Variants in ISY1 observed in about 807,000 individuals in gnomAD.
The protein encoded by ISY1 is ISY1 spliceosome associated protein, also known as pre-mRNA-splicing factor ISY1 homolog.
ISY1 carries 12 observed loss-of-function variants against 54.4 expected under a neutral mutation model. That is an observed-to-expected ratio of 0.22 (90% CI 0.14 to 0.36). The LOEUF is 0.36. Ranked by LOEUF, ISY1 falls within the 10% of genes least tolerant of loss-of-function variation. The pLI is 1.00. For missense variants in ISY1, 282 were observed against 342.2 expected (o/e 0.82, Z 1.39); for synonymous variants, 96 against 117.9 (o/e 0.81, Z 1.20).
chr3:129,135,750 A>G (rs1936377103), intron 7 of ISY1, among the ~76,000 whole-genome samples: 2 of 151,228 alleles, frequency 1.3e-5, no homozygotes, highest in Admixed American at 1.3e-4. Flanking sequence ...TGGGCGACAG[A>G]GCGAGACTCC....
At chr3:129,151,210 T>C (rs1936959847) in intron 5 of ISY1, among the ~76,000 whole-genome samples, 1 of 147,830 alleles carries the variant, frequency 6.8e-6, no homozygotes, top group Admixed American at 6.8e-5. Flanking sequence ...TATGAATATA[T>C]ATGGGGTGTG....
In ISY1 at chr3:129,130,621, T is replaced by C; in HGVS notation, c.679A>G (p.Ser227Gly). ...VTEEESDEEG[S>G]QEKGGDDSQQ... ...CTGTCGTCCCCTCCTTTCTCCTGGC[T>C]GCCTTCCTCGTCCGACTACAAACAG... Residue 227 changes from serine to glycine, a missense_variant, in exon 10 of 11, where the codon AGC becomes GGC. Coordinates refer to ENST00000393295, the MANE Select transcript of ISY1 (RefSeq NM_020701.4). 1 of 1,614,174 alleles carries C rather than the reference T, an allele frequency of 6.2e-7. No individual in the cohort carries two copies.
chr3:129,147,154 C>T (rs1936790153), intron 5 of ISY1, among the ~76,000 whole-genome samples: 1 of 151,836 alleles, frequency 6.6e-6, no homozygotes, highest in Admixed American at 6.6e-5. Flanking sequence ...GAGGGCAGAT[C>T]ACTTGAGGTC....
intron 5 of ISY1, among the ~76,000 whole-genome samples, chr3:129,151,458 G>A (rs1378876135): frequency 1.3e-5 from 2 of 151,640 alleles, no homozygotes; most frequent in Admixed American, 6.6e-5. Context: ...GCGAAACTCT[G>A]TCTCTAGTAA....
intron 1 of ISY1, among the ~76,000 whole-genome samples, chr3:129,160,109 T>C (rs534741366): frequency 6.6e-6 from 1 of 151,794 alleles, no homozygotes; most frequent in Admixed American, 6.6e-5. Flanking sequence ...CACTGCAAAC[T>C]CCGCCTCCCG....
intron 10 of ISY1, among the ~76,000 whole-genome samples, 154 bp from the exon 11 acceptor site, chr3:129,130,342 G>C (rs541219129): frequency 1.3e-5 from 2 of 152,160 alleles, no homozygotes; most frequent in African/African-American, 2.4e-5. Flanking sequence ...CCCTCCCATT[G>C]GAAACATTTG....
At chr3:129,130,440 C>A in intron 10 of ISY1, 110 bp downstream of exon 10, 1 of 1,380,164 alleles carries the variant, frequency 7.2e-7, no homozygotes. Context: ...GGTCAGGACC[C>A]TGAGCTGCCC....
rs1189041091 is a variant in ISY1 at position 129,129,517 on chromosome 3, G to A, written c.*564C>T. The A allele has an allele frequency of 3.3e-5, 5 of 152,248 alleles. No individual in the cohort carries two copies. Among genetic ancestry groups the A allele is most frequent in the Non-Finnish European group, 5.9e-5 (4 of 68,166 alleles). 9.4% of individuals were successfully genotyped at this position (152,248 alleles called of 1,614,324 possible). On this transcript the variant is annotated 3_prime_UTR_variant, in exon 11 of 11. Coordinates refer to ENST00000393295, the MANE Select transcript of ISY1 (RefSeq NM_020701.4). ...GCCTCCCAAGCAGCTGGGACTACAG[G>A]TGCATGCCAGTACGCCCAGCTAATT...
At chr3:129,136,050 G>A (rs1460423295) in intron 7 of ISY1, among the ~76,000 whole-genome samples, 1 of 150,628 alleles carries the variant, frequency 6.6e-6, no homozygotes, top group African/African-American at 2.4e-5. Flanking sequence ...AGATACATGA[G>A]AAAGCCCTAA....
chr3:129,159,180 G>A lies in ISY1; in HGVS notation c.4-4C>T. The A allele has an allele frequency of 6.3e-7, 1 of 1,598,854 alleles. No homozygotes were observed. Among genetic ancestry groups the A allele is most frequent in the Non-Finnish European group, 8.5e-7 (1 of 1,176,762 alleles). On this transcript the variant is annotated splice_polypyrimidine_tract_variant and splice_region_variant and intron_variant, in intron 1 of 10. Coordinates refer to ENST00000393295, the MANE Select transcript of ISY1 (RefSeq NM_020701.4). Reference sequence around the variant, plus strand: ...TGGCCTTTTCTGCATTTCGGGCCTGGAAAGAGAGAAAAGAGAAGAAAAATG... The same window carrying A: ...TGGCCTTTTCTGCATTTCGGGCCTGAAAAGAGAGAAAAGAGAAGAAAAATG...
At chr3:129,148,299 C>T (rs1021250638) in intron 5 of ISY1, among the ~76,000 whole-genome samples, 3 of 152,064 alleles carry the variant, frequency 2.0e-5, no homozygotes, top group African/African-American at 7.2e-5. Context: ...TGGAGAAATA[C>T]CTAGGAGTGG....
At chr3:129,139,915 T>C (rs1032602331) in intron 7 of ISY1, among the ~76,000 whole-genome samples, 10 of 152,202 alleles carry the variant, frequency 6.6e-5, no homozygotes, top group African/African-American at 2.4e-4. Flanking sequence ...GTGCTGGGAT[T>C]ACAGGCATGA....
In ISY1 at chr3:129,128,714, A is replaced by C. The variant is rs1936158409; in HGVS notation, c.*1367T>G. On this transcript the variant is annotated 3_prime_UTR_variant, in exon 11 of 11. Transcript: ENST00000393295. ...GCTGTGTGATGGGCTTCTCCAAGCCAAGAGTTCCTCCTATTCCCAAACAGC... is the reference window on the plus strand; with the variant it reads ...GCTGTGTGATGGGCTTCTCCAAGCCCAGAGTTCCTCCTATTCCCAAACAGC... 1 of 152,874 alleles carries C rather than the reference A, an allele frequency of 6.5e-6. No homozygotes were observed. The highest frequency in any genetic ancestry group is 1.5e-5 in the Non-Finnish European group (1 of 68,644). 9.5% of individuals were successfully genotyped at this position (152,874 alleles called of 1,614,324 possible). A position where few individuals can be genotyped will look rare whatever the true frequency, so the allele number is the denominator to read the frequency against.
intron 5 of ISY1, among the ~76,000 whole-genome samples, chr3:129,146,367 T>C (rs2107611381): frequency 6.6e-6 from 1 of 152,274 alleles, no homozygotes; most frequent in South Asian, 2.1e-4. Flanking sequence ...AAGGGATTAA[T>C]TGAAAGGGAT....
intron 5 of ISY1, among the ~76,000 whole-genome samples, chr3:129,154,563 A>G (rs1450789923): frequency 6.6e-6 from 1 of 151,854 alleles, no homozygotes; most frequent in African/African-American, 2.4e-5. Context: ...ATTGTCTGTA[A>G]TATTTCCTTA....
At chr3:129,143,235 AGTG>A (rs1436082501) in intron 6 of ISY1, among the ~76,000 whole-genome samples, 2 of 151,656 alleles carry the variant, frequency 1.3e-5, no homozygotes, top group Admixed American at 6.6e-5. Flanking sequence ...GGCTGGGTGC[AGTG>A]GCTCACATCT....
chr3:129,134,374 T>C (rs549077591), intron 8 of ISY1, among the ~76,000 whole-genome samples, 179 bp from the exon 9 acceptor site: 2 of 152,338 alleles, frequency 1.3e-5, no homozygotes, highest in East Asian at 3.9e-4. Context: ...ACAACAGCTC[T>C]GGCCTTCAGT....
intron 9 of ISY1, among the ~76,000 whole-genome samples, chr3:129,133,631 T>C (rs1251586885): frequency 1.3e-5 from 2 of 152,090 alleles, no homozygotes; most frequent in Non-Finnish European, 2.9e-5. Context: ...AAGGCAGAGG[T>C]TGCAGTGAGC....
intron 7 of ISY1, among the ~76,000 whole-genome samples, chr3:129,137,387 A>G (rs1419344784): frequency 1.3e-5 from 2 of 152,210 alleles, no homozygotes; most frequent in Non-Finnish European, 2.9e-5. Flanking sequence ...AAATCTTTTC[A>G]ATAGATGACA....
Sources: allele counts gnomAD v4.1 joint callset (sites outside exome capture counted in the v4.1 genomes callset), GRCh38; gene constraint gnomAD v4.1.1; transcripts MANE v1.5; gene names NCBI Gene and HGNC (gene_info 2026-07-23, HGNC 2026-07-21).